The following DHCR7 variants were observed in gnomAD, a reference collection of about 807,000 sequenced individuals.
DHCR7 encodes the protein 7-DHC reductase.
A neutral mutation model predicts 43.3 loss-of-function variants in DHCR7; 40 were observed. The observed-to-expected ratio is 0.92, with a 90% confidence interval of 0.72 to 1.20. The LOEUF is 1.20. Among genes scored for constraint, DHCR7 ranks in the 50% most tolerant of loss-of-function variants. The pLI, the probability that DHCR7 is intolerant of heterozygous loss-of-function variation, is 0.00. For missense variants in DHCR7, 608 were observed against 644.6 expected (o/e 0.94, Z 0.62); for synonymous variants, 298 against 271.4 (o/e 1.10, Z -0.96).
rs368017833 is a variant in DHCR7, at chr11:71,437,974, C to G, written c.832-31G>C. 1.5e-4 allele frequency: 240 copies of G among 1,609,454 alleles called. 1 individual carries two copies. The African/African-American group carries it at 3.0e-3, about 20-fold the overall frequency. On this transcript the variant is annotated intron_variant, in intron 7 of 8. Coordinates refer to ENST00000355527, the MANE Select transcript of DHCR7 (RefSeq NM_001360.3). ...AGACAGAAGCAGCCGCTGACCACCC[C>G]CGGCCCTCCTGGGGCCCCCATGGAC...
Position 71,438,936 on chromosome 11 carries a change from C to T in DHCR7, c.774G>A (p.Lys258=). The T allele has an allele frequency of 6.2e-7, 1 of 1,614,066 alleles. No individual in the cohort carries two copies. The highest frequency in any genetic ancestry group is 8.5e-7 in the Non-Finnish European group (1 of 1,180,050). ...TCACATGGCTGTGGAGCTCCCGCTG[C>T]TTCGCTGCGAAGGACAGGTTGATGA... is the stretch of plus-strand genomic sequence containing the variant. ...WTLINLSFAA[K]QRELHSHVTN... The change falls in exon 7 of 9, where the codon AAG becomes AAA. Residue 258 remains lysine, a synonymous_variant. Coordinates refer to ENST00000355527, the MANE Select transcript of DHCR7 (RefSeq NM_001360.3).
intron 2 of DHCR7, among the ~76,000 whole-genome samples, chr11:71,447,348 T>G (rs1949415756): frequency 6.6e-6 from 1 of 152,240 alleles, no homozygotes; most frequent in Admixed American, 6.5e-5. Flanking sequence ...GAAGTACTTT[T>G]AGCTTATTAC....
chr11:71,438,975 G>T lies in DHCR7; in HGVS notation c.735C>A (p.Ile245=), dbSNP rs12800. 1 of 1,614,056 alleles carries T rather than the reference G, an allele frequency of 6.2e-7. No homozygotes were observed. Among genetic ancestry groups the T allele is most frequent in the East Asian group, 2.2e-5 (1 of 44,872 alleles). Reference sequence around the variant, plus strand: ...ACAGGTTGATGAGGGTCCAGGCGACGATCCCGGGGCGCCCATTGAAGAACA... The same window carrying T: ...ACAGGTTGATGAGGGTCCAGGCGACTATCCCGGGGCGCCCATTGAAGAACA... ...FKLFFNGRPG[I]VAWTLINLSF... Residue 245 remains isoleucine (I), a synonymous_variant, in exon 7 of 9, where the codon ATC becomes ATA. Coordinates refer to ENST00000355527, the MANE Select transcript of DHCR7 (RefSeq NM_001360.3).
In DHCR7 at chr11:71,441,387, G is replaced by C; in HGVS notation, c.466C>G (p.Leu156Val). The C allele has an allele frequency of 1.2e-6, 2 of 1,614,218 alleles. No individual in the cohort carries two copies. Among genetic ancestry groups the C allele is most frequent in the Non-Finnish European group, 1.7e-6 (2 of 1,180,034 alleles). Residue 156 changes from leucine to valine, a missense_variant, in exon 6 of 9, where the codon CTG (leucine) becomes GTG (valine). Physicochemically the swap from Leu to Val is conservative, Grantham distance 32. Transcript: ENST00000355527. ...AGATGAGCGTTTGCAAACCAGAGCA[G>C]GTGCGTGAGGAGCCAGGCTTGCAGG... Reference protein sequence around the residue: ...NGLQAWLLTHLLWFANAHLLS... With the variant: ...NGLQAWLLTHVLWFANAHLLS...
rs774978807 is a variant in DHCR7, at chr11:71,441,363, G to A, written c.490C>T (p.Leu164Phe). 2.5e-5 allele frequency: 41 copies of A among 1,614,222 alleles called. No individual in the cohort carries two copies. Among genetic ancestry groups the A allele is most frequent in the Non-Finnish European group, 3.1e-5 (36 of 1,180,026 alleles). The change falls in exon 6 of 9, where the codon CTC becomes TTC. Residue 164 changes from leucine (L) to phenylalanine (F), a missense_variant. By Grantham distance (22) the Leu-to-Phe change is conservative (BLOSUM62 0). Coordinates refer to ENST00000355527, the MANE Select transcript of DHCR7 (RefSeq NM_001360.3). ...ATGGTGGGCGAGAACCAGGACAGGA[G>A]ATGAGCGTTTGCAAACCAGAGCAGG... ...THLLWFANAH[L>F]LSWFSPTIIF...
intron 5 of DHCR7, 80 bp from the exon 6 acceptor site, chr11:71,441,520 G>T: frequency 2.4e-6 from 3 of 1,243,274 alleles, no homozygotes; most frequent in Non-Finnish European, 2.3e-6. Flanking sequence ...CATGCCTGGC[G>T]GGGGCCCTGG....
intron 2 of DHCR7, among the ~76,000 whole-genome samples, chr11:71,447,310 T>C (rs1234487114): frequency 6.6e-6 from 1 of 152,234 alleles, no homozygotes; most frequent in Non-Finnish European, 1.5e-5. Context: ...GGGAGAATGT[T>C]GTCAAAAGGG....
chr11:71,431,375 C>G (rs1949226836), downstream of DHCR7, among the ~76,000 whole-genome samples: 1 of 152,224 alleles, frequency 6.6e-6, no homozygotes, highest in African/African-American at 2.4e-5. Context: ...TGGGGCTTCA[C>G]CGGGGATCCA....
At chr11:71,439,160 C>A in intron 6 of DHCR7, 77 bp from the exon 7 acceptor site, 2 of 1,418,102 alleles carry the variant, frequency 1.4e-6, no homozygotes, top group South Asian at 1.2e-5. Context: ...TTAGCGAGAG[C>A]CCAGCACTGG....
chr11:71,447,899 C>G (rs2120357446), intron 1 of DHCR7, 165 bp from the exon 2 acceptor site: 1 of 152,494 alleles, frequency 6.6e-6, no homozygotes, highest in African/African-American at 2.4e-5. Context: ...AGTCCCATCG[C>G]AAAGCTGCTG....
chr11:71,437,822 T>G lies in DHCR7; in HGVS notation c.953A>C (p.Tyr318Ser). 1 of 1,613,886 alleles carries G rather than the reference T, an allele frequency of 6.2e-7. No individual in the cohort carries two copies. The highest frequency in any genetic ancestry group is 1.6e-4 in the Middle Eastern group (1 of 6,062). The change falls in exon 8 of 9, where the codon TAC becomes TCC. Residue 318 changes from tyrosine (Y) to serine (S), a missense_variant. By Grantham distance (144) the Tyr-to-Ser change is moderately radical. Coordinates refer to ENST00000355527, the MANE Select transcript of DHCR7 (RefSeq NM_001360.3). Reference protein sequence around the residue: ...WGDCVWLPYLYTLQGLYLVYH... With the variant: ...WGDCVWLPYLSTLQGLYLVYH... ...TGCCCACCTCCTCACCTGCAGCGTG[T>G]AAAGATAAGGCAGCCAGACACAGTC...
chr11:71,428,272 T>TTGATTACAGAGAGA (rs1949210662), exon 3 of DHCR7: 1 of 152,268 alleles, frequency 6.6e-6, no homozygotes, highest in South Asian at 2.1e-4. Flanking sequence ...GAGAATCCAA[T>TTGATTACAGAGAGA]ATCTCATCAT....
intron 8 of DHCR7, 174 bp from the exon 9 acceptor site, chr11:71,436,013 A>T (rs148158317): frequency 1.1e-5 from 7 of 639,600 alleles, no homozygotes; most frequent in Non-Finnish European, 1.7e-5. Context: ...TGTTGTGGTC[A>T]TTAAATGAGT....
intron 3 of DHCR7, 76 bp from the exon 4 acceptor site, chr11:71,444,291 G>T: frequency 7.9e-7 from 1 of 1,260,600 alleles, no homozygotes; most frequent in Non-Finnish European, 1.1e-6. Context: ...GAGGCTCTGT[G>T]TGGGAGAACT....
intron 7 of DHCR7, 91 bp from the exon 8 acceptor site, chr11:71,438,034 G>T: frequency 1.2e-5 from 18 of 1,486,814 alleles, no homozygotes; most frequent in Non-Finnish European, 1.7e-5. Flanking sequence ...GATGCAGCAG[G>T]GGGTGCTCGG....
chr11:71,434,917 G>A lies in DHCR7; in HGVS notation c.*458C>T. 1 of 361,758 alleles carries A rather than the reference G, an allele frequency of 2.8e-6. No individual in the cohort carries two copies. Among genetic ancestry groups the A allele is most frequent in the Admixed American group, 3.6e-5 (1 of 27,730 alleles). The allele number at this position is 361,758 out of a possible 1,614,324, so 22.4% of individuals were successfully genotyped here. ...CACGACTGCAGAGCAGGCAGGGGAGGGGGATCTAGAGCTGAAAGGCAATAC... is the reference window on the plus strand; with the variant it reads ...CACGACTGCAGAGCAGGCAGGGGAGAGGGATCTAGAGCTGAAAGGCAATAC... On this transcript the variant is annotated 3_prime_UTR_variant, in exon 9 of 9. Transcript: ENST00000355527.
chr11:71,429,038 T>C (rs529977514), intron 2 of DHCR7, among the ~76,000 whole-genome samples: 1 of 152,234 alleles, frequency 6.6e-6, no homozygotes, highest in Non-Finnish European at 1.5e-5. Context: ...AGTTCCAGAA[T>C]TGGCACTTCC....
rs188474369 is a variant in DHCR7 at position 71,442,638 on chromosome 11, A to C, written c.322-285T>G. The stretch of plus-strand genomic sequence containing the variant: ...CTTTTTAAAATGGAGAATCCCATAA[A>C]ATTCAACTTTTTATATATATATATA... On this transcript the variant is annotated intron_variant, in intron 4 of 8. Coordinates refer to ENST00000355527, the MANE Select transcript of DHCR7 (RefSeq NM_001360.3). Among the ~76,000 whole-genome samples the C allele has an allele frequency of 2.4e-4, 36 of 152,202 alleles. No homozygotes were observed. Among genetic ancestry groups the C allele is most frequent in the Admixed American group, 5.2e-4 (8 of 15,286 alleles).
intron 2 of DHCR7, among the ~76,000 whole-genome samples, chr11:71,445,654 C>T (rs1026637338): frequency 6.6e-6 from 1 of 152,134 alleles, no homozygotes; most frequent in Non-Finnish European, 1.5e-5. Flanking sequence ...CCATGTAGGA[C>T]CATCAATAAT....
Sources: gnomAD v4.1 joint callset for allele counts (sites outside exome capture counted in the v4.1 genomes callset) on GRCh38, gnomAD v4.1.1 for gene constraint, MANE v1.5 for transcripts, NCBI Gene and HGNC (gene_info 2026-07-23, HGNC 2026-07-21) for gene names.